STAP1: variants seen among roughly 807,000 people sequenced by gnomAD.
The protein encoded by STAP1 is signal transducing adaptor family member 1.
Under a neutral mutation model 37.8 loss-of-function variants are expected in STAP1, and 30 were observed. The observed-to-expected ratio is 0.79, with a 90% CI of 0.59 to 1.08. The LOEUF is 1.08. Ranked by LOEUF, STAP1 falls within the 50% of genes least tolerant of loss-of-function variation. The pLI is 0.00. For synonymous variants in STAP1, 130 were observed against 116.0 expected (o/e 1.12, Z -0.78); for missense variants, 357 against 349.4 (o/e 1.02, Z -0.17).
At chr4:67,597,931 G>A (rs971444911) in intron 8 of STAP1, among the ~76,000 whole-genome samples, 2 of 152,148 alleles carry the variant, frequency 1.3e-5, no homozygotes, top group Non-Finnish European at 2.9e-5. Context: ...GCTGAAATGA[G>A]TTAAGAATTT....
intron 8 of STAP1, among the ~76,000 whole-genome samples, chr4:67,599,166 T>C (rs1169479694): frequency 1.3e-5 from 2 of 152,196 alleles, no homozygotes; most frequent in African/African-American, 2.4e-5. Flanking sequence ...GATATTGGCT[T>C]GTAGTTTTTA....
chr4:67,603,515 C>T (rs1728388973), intron 8 of STAP1, among the ~76,000 whole-genome samples: 1 of 152,098 alleles, frequency 6.6e-6, no homozygotes, highest in South Asian at 2.1e-4. Flanking sequence ...CTCTGGGTCT[C>T]AACCCAAGGC....
At position 67,593,893 on chromosome 4, in the gene STAP1, T is replaced by C. The variant is rs549832928; in HGVS notation, c.826+537T>C. On this transcript the variant is annotated intron_variant, in intron 8 of 8. Coordinates refer to ENST00000265404, the MANE Select transcript of STAP1 (RefSeq NM_012108.4). Reference sequence around the variant, plus strand: ...GGTGAGGAATTACAGATAAAGATTGTAGCTAGGACCAGCTACAGAATTTGC... The same window carrying C: ...GGTGAGGAATTACAGATAAAGATTGCAGCTAGGACCAGCTACAGAATTTGC... 6.7e-4 allele frequency among the ~76,000 whole-genome samples: 102 copies of C among 152,326 alleles called. 1 individual carries two copies. Among genetic ancestry groups the C allele is most frequent in the Non-Finnish European group, 1.0e-3 (68 of 68,028 alleles).
In STAP1 at chr4:67,577,274, G is replaced by C. The variant is rs1390148293; in HGVS notation, c.363+15G>C. Reference sequence around the variant, plus strand: ...CAGTAACAGAGGTAGGAAGCTCACTGCTTTTGATTGATTCTTTTTTTTTTT... The same window carrying C: ...CAGTAACAGAGGTAGGAAGCTCACTCCTTTTGATTGATTCTTTTTTTTTTT... On this transcript the variant is annotated intron_variant, in intron 4 of 8. Transcript: ENST00000265404. 1.9e-6 allele frequency: 3 copies of C among 1,590,308 alleles called. No individual in the cohort carries two copies. The highest frequency in any genetic ancestry group is 2.6e-6 in the Non-Finnish European group (3 of 1,170,798).
At chr4:67,566,913 G>A (rs896844415) in intron 1 of STAP1, among the ~76,000 whole-genome samples, 2 of 152,176 alleles carry the variant, frequency 1.3e-5, no homozygotes, top group African/African-American at 4.8e-5. Flanking sequence ...GCAGGTTGCA[G>A]TGAGCCAAGA....
At chr4:67,587,470 C>G (rs1728009256) in intron 6 of STAP1, among the ~76,000 whole-genome samples, 1 of 152,136 alleles carries the variant, frequency 6.6e-6, no homozygotes, top group Non-Finnish European at 1.5e-5. Flanking sequence ...CCACCTTTAC[C>G]TAGCCCAATG....
At chr4:67,576,794 T>C (rs1356350389) in intron 3 of STAP1, among the ~76,000 whole-genome samples, 1 of 152,194 alleles carries the variant, frequency 6.6e-6, no homozygotes, top group Non-Finnish European at 1.5e-5. Flanking sequence ...AACCCTGACC[T>C]GGTATTGTTA....
chr4:67,575,739 C>A (rs1406570267), intron 3 of STAP1, among the ~76,000 whole-genome samples: 1 of 152,190 alleles, frequency 6.6e-6, no homozygotes, highest in African/African-American at 2.4e-5. Context: ...AGTCAAGGAT[C>A]CCACCTGGTG....
chr4:67,564,604 A>C (rs1269931240), intron 1 of STAP1, among the ~76,000 whole-genome samples: 1 of 152,168 alleles, frequency 6.6e-6, no homozygotes, highest in Non-Finnish European at 1.5e-5. Flanking sequence ...TCCAGGAATC[A>C]TACAATCCTG....
intron 5 of STAP1, among the ~76,000 whole-genome samples, chr4:67,583,104 A>G (rs112288274): frequency 6.6e-6 from 1 of 152,372 alleles, no homozygotes; most frequent in African/African-American, 2.4e-5. Flanking sequence ...CAACAATGCC[A>G]TAGAAAGACA....
chr4:67,558,991 T>C lies in STAP1; in HGVS notation c.120+62T>C. On this transcript the variant is annotated intron_variant, in intron 1 of 8. Coordinates refer to ENST00000265404, the MANE Select transcript of STAP1 (RefSeq NM_012108.4). ...CTGTTTTAATTTAATATTTATTTCATGGTGATGTGATGTGTTAAGACCTCC... is the reference window on the plus strand; with the variant it reads ...CTGTTTTAATTTAATATTTATTTCACGGTGATGTGATGTGTTAAGACCTCC... The C allele has an allele frequency of 2.0e-6, 3 of 1,497,328 alleles. No homozygotes were observed. In the South Asian group the frequency reaches 4.1e-5, roughly 21 times the overall value. 92.8% of individuals were successfully genotyped at this position (1,497,328 alleles called of 1,614,324 possible).
chr4:67,571,173 G>A lies in STAP1; in HGVS notation c.192+18G>A, dbSNP rs774950521. ...GTATAATAGTAAGTAAATATGTTGA[G>A]CTGATTCCATTGTTTCCCAATATAC... On this transcript the variant is annotated intron_variant, in intron 2 of 8. Transcript: ENST00000265404. 25 of 1,530,790 alleles carry A rather than the reference G, an allele frequency of 1.6e-5. No individual in the cohort carries two copies. The South Asian group carries it at 2.8e-4, about 17-fold the overall frequency. The allele number at this position is 1,530,790 out of a possible 1,614,324, so 94.8% of individuals were successfully genotyped here. A position where few individuals can be genotyped will look rare whatever the true frequency, so the allele number is the denominator to read the frequency against.
At chr4:67,589,137 T>C (rs1248797845) in intron 6 of STAP1, among the ~76,000 whole-genome samples, 1 of 152,232 alleles carries the variant, frequency 6.6e-6, no homozygotes, top group Non-Finnish European at 1.5e-5. Context: ...GGAATTGTAA[T>C]TGAAATTGTA....
chr4:67,575,790 A>G (rs913138616), intron 3 of STAP1, among the ~76,000 whole-genome samples: 3 of 152,204 alleles, frequency 2.0e-5, no homozygotes, highest in African/African-American at 7.2e-5. Context: ...AAAATGAGCC[A>G]ATAAAAGTCA....
At position 67,572,388 on chromosome 4, in the gene STAP1, T is replaced by C. The variant is rs1366624972; in HGVS notation, c.192+1233T>C. ...GGAAAGAGTGGGAAAGTAGTGTGAA[T>C]TGTATGGAGATGACTGCCTTAAGGA... On this transcript the variant is annotated intron_variant, in intron 2 of 8. Coordinates refer to ENST00000265404, the MANE Select transcript of STAP1 (RefSeq NM_012108.4). Among the ~76,000 whole-genome samples, 4 of 152,064 alleles carry C rather than the reference T, an allele frequency of 2.6e-5. No homozygotes were observed. In the East Asian group the frequency reaches 7.8e-4, roughly 29 times the overall value.
chr4:67,605,106 CTGG>C (rs1728422678), intron 8 of STAP1, among the ~76,000 whole-genome samples: 1 of 152,136 alleles, frequency 6.6e-6, no homozygotes, highest in Non-Finnish European at 1.5e-5. Context: ...GTCCTTTTTC[CTGG>C]TGTTCTAGCT....
chr4:67,569,088 A>T (rs1188544473), intron 1 of STAP1, among the ~76,000 whole-genome samples: 1 of 152,192 alleles, frequency 6.6e-6, no homozygotes, highest in East Asian at 1.9e-4. Context: ...CCTATTACAC[A>T]CCTAGGCTAT....
At chr4:67,577,421 T>G (rs1727748605) in intron 4 of STAP1, among the ~76,000 whole-genome samples, 162 bp downstream of exon 4, 1 of 151,976 alleles carries the variant, frequency 6.6e-6, no homozygotes. Flanking sequence ...TTTCATCAGG[T>G]GGTGGAGAGG....
intron 8 of STAP1, among the ~76,000 whole-genome samples, chr4:67,605,388 C>CAAAAAAAAAAA (rs10643250): frequency 8.0e-6 from 1 of 124,748 alleles, no homozygotes; most frequent in Non-Finnish European, 1.6e-5. Context: ...ATAGACAATA[C>CAAAAAAAAAAA]AAAAAAAAAA....
Sources: gnomAD v4.1 joint callset for allele counts (sites outside exome capture counted in the v4.1 genomes callset) on GRCh38, gnomAD v4.1.1 for gene constraint, MANE v1.5 for transcripts, NCBI Gene and HGNC (gene_info 2026-07-23, HGNC 2026-07-21) for gene names.